The following CPLANE1 variants were observed in gnomAD, a reference collection of about 807,000 sequenced individuals.
CPLANE1 encodes ciliogenesis and planar polarity effector complex subunit 1.
A neutral mutation model predicts 362.5 loss-of-function variants in CPLANE1; 263 were observed. The ratio of observed to expected loss-of-function variants is 0.73; its 90% CI spans 0.66 to 0.80. The LOEUF (loss-of-function observed/expected upper bound fraction) is 0.80. Among genes scored for constraint, CPLANE1 ranks in the 30% least tolerant of loss-of-function variants. The pLI, the probability that CPLANE1 is intolerant of heterozygous loss-of-function variation, is 0.00. For missense variants in CPLANE1, 3,461 were observed against 3,793.4 expected (o/e 0.91, Z 2.30); for synonymous variants, 1,212 against 1,302.6 (o/e 0.93, Z 1.50).
intron 4 of CPLANE1, among the ~76,000 whole-genome samples, 174 bp downstream of exon 4, chr5:37,245,304 TA>T (rs1739222385): frequency 3.6e-4 from 1 of 2,774 alleles, no homozygotes; most frequent in African/African-American, 3.6e-3. Flanking sequence ...AAACTATATA[TA>T]TATATATATA....
chr5:37,211,996 A>G, intron 16 of CPLANE1: 2 of 970,492 alleles, frequency 2.1e-6, no homozygotes, highest in Non-Finnish European at 3.4e-6. Context: ...GAAGAACAAA[A>G]GGAAGAAGAA....
chr5:37,076,995 G>A, the CPLANE1 span, among the ~76,000 whole-genome samples: 45 of 151,704 alleles, frequency 3.0e-4, no homozygotes, highest in African/African-American at 9.7e-4. Context: ...TTTGCAGGCC[G>A]TAAGGTCTAT....
intron 51 of CPLANE1, among the ~76,000 whole-genome samples, chr5:37,108,693 A>C (rs193285745): frequency 6.6e-6 from 1 of 152,236 alleles, no homozygotes; most frequent in East Asian, 1.9e-4. Flanking sequence ...GAAAACTATT[A>C]GTAATTAATC....
chr5:37,232,544 T>C (rs1436922032), intron 8 of CPLANE1, among the ~76,000 whole-genome samples: 1 of 143,948 alleles, frequency 6.9e-6, no homozygotes, highest in South Asian at 2.2e-4. Flanking sequence ...AAAAAAAGAC[T>C]AGGCTCTCTC....
At position 37,201,600 on chromosome 5, in the gene CPLANE1, A is replaced by T. The variant is rs1248899188; in HGVS notation, c.3498T>A (p.Ile1166=). ...APPLYCPQPA[I]LSEEDGDDLL... is the part of the protein sequence containing the mutation. The stretch of plus-strand genomic sequence containing the variant: ...AATGCTATAAGCTTACTTCACTAAG[A>T]ATAGCTGGCTGGGGACAGTACAATG... The change falls in exon 19 of 53, where the codon ATT becomes ATA. Residue 1166 remains isoleucine (I), a synonymous_variant. Coordinates refer to ENST00000651892, the MANE Select transcript of CPLANE1 (RefSeq NM_001384732.1). 6.2e-7 allele frequency: 1 copy of T among 1,613,112 alleles called. No homozygotes were observed. The highest frequency in any genetic ancestry group is 8.5e-7 in the Non-Finnish European group (1 of 1,179,154).
chr5:37,150,895 C>A (rs1309905971), intron 42 of CPLANE1, among the ~76,000 whole-genome samples: 1 of 152,118 alleles, frequency 6.6e-6, no homozygotes, highest in Non-Finnish European at 1.5e-5. Flanking sequence ...TAACAAGTTT[C>A]CTATATGATT....
chr5:37,224,784 A>AAACTC, intron 12 of CPLANE1, 44 bp from the exon 13 acceptor site: 1 of 1,394,302 alleles, frequency 7.2e-7, no homozygotes, highest in Non-Finnish European at 9.9e-7. Flanking sequence ...ATTTCAGGCT[A>AAACTC]ATGATGAGTT....
rs909002375 is a variant in CPLANE1, at chr5:37,107,389, T to G, written c.*213A>C. On this transcript the variant is annotated 3_prime_UTR_variant, in exon 53 of 53. Transcript: ENST00000651892. ...ATGCATCAAATACAAAAACATATAA[T>G]ACATCAATAGTCAACCCTTTCCCCA... is the stretch of plus-strand genomic sequence containing the variant. 3.2e-6 allele frequency: 4 copies of G among 1,250,742 alleles called. 1 individual carries two copies. Among genetic ancestry groups the G allele is most frequent in the Middle Eastern group, 6.2e-4 (2 of 3,234 alleles). 77.5% of individuals were successfully genotyped at this position (1,250,742 alleles called of 1,614,324 possible).
Position 37,183,695 on chromosome 5 carries a change from C to T in CPLANE1, c.4486G>A (p.Ala1496Thr). The T allele has an allele frequency of 1.3e-6, 2 of 1,557,340 alleles. No individual in the cohort carries two copies. Among genetic ancestry groups the T allele is most frequent in the Non-Finnish European group, 1.7e-6 (2 of 1,157,120 alleles). ...KSRINIYQRN[A>T]PNHMELTSIH... ...GATGTTAATTCCATGTGATTTGGGG[C>T]ATTTCTATAGCAAAAAAATAAAATA... is the stretch of plus-strand genomic sequence containing the variant. Residue 1496 changes from alanine to threonine, a missense_variant, in exon 26 of 53, where the codon GCC (alanine) becomes ACC (threonine). Coordinates refer to ENST00000651892, the MANE Select transcript of CPLANE1 (RefSeq NM_001384732.1).
At chr5:37,142,678 T>C in intron 43 of CPLANE1, 198 bp from the exon 44 acceptor site, 1 of 385,970 alleles carries the variant, frequency 2.6e-6, no homozygotes, top group Non-Finnish European at 4.6e-6. Flanking sequence ...ATAAACAAGA[T>C]TTATTAGACT....
At chr5:37,138,937 CA>C (rs1357254023) in intron 45 of CPLANE1, 89 bp from the exon 46 acceptor site, 1 of 1,156,758 alleles carries the variant, frequency 8.6e-7, no homozygotes, top group African/African-American at 1.6e-5. Context: ...CAAATGAACA[CA>C]AAATGATAAA....
intron 38 of CPLANE1, among the ~76,000 whole-genome samples, chr5:37,162,097 C>T (rs990052781): frequency 6.6e-6 from 1 of 152,172 alleles, no homozygotes; most frequent in African/African-American, 2.4e-5. Flanking sequence ...AATACCCCTC[C>T]CTCACCGAAC....
chr5:37,218,106 A>G, intron 15 of CPLANE1, among the ~76,000 whole-genome samples: 1 of 152,208 alleles, frequency 6.6e-6, no homozygotes, highest in East Asian at 1.9e-4. Context: ...ACTGCTTGAA[A>G]TGCTTGCTTG....
rs1792075266 is a variant in CPLANE1 at position 37,209,837 on chromosome 5, T to C, written c.2921-3412A>G. 2 of 1,344,380 alleles carry C rather than the reference T, an allele frequency of 1.5e-6. No individual in the cohort carries two copies. The highest frequency in any genetic ancestry group is 2.1e-6 in the Non-Finnish European group (2 of 936,562). The allele number at this position is 1,344,380 out of a possible 1,614,324, so 83.3% of individuals were successfully genotyped here. ...ATCATCAAGCTAAAGAAAGTTGTAATATGGAAACTCAGACAAGTTCGACAT... is the reference window on the plus strand; with the variant it reads ...ATCATCAAGCTAAAGAAAGTTGTAACATGGAAACTCAGACAAGTTCGACAT... On this transcript the variant is annotated intron_variant, in intron 16 of 52. Coordinates refer to ENST00000651892, the MANE Select transcript of CPLANE1 (RefSeq NM_001384732.1). The surrounding 1 kb of genome is among the most constrained non-coding windows in gnomAD (Gnocchi z 4.6).
At chr5:37,098,927 A>G in the CPLANE1 span, among the ~76,000 whole-genome samples, 1 of 149,144 alleles carries the variant, frequency 6.7e-6, no homozygotes, top group African/African-American at 2.4e-5. Flanking sequence ...CTACATCAAA[A>G]AAAAAAAAAA....
In CPLANE1 at chr5:37,228,506, A is replaced by G. The variant is rs879331151; in HGVS notation, c.1122-689T>C. ...TAATTATAGGACATACACCCCACAG[A>G]CTTCTGTAGAACCATTAAAAATAAT... On this transcript the variant is annotated intron_variant, in intron 9 of 52. Coordinates refer to ENST00000651892, the MANE Select transcript of CPLANE1 (RefSeq NM_001384732.1). Among the ~76,000 whole-genome samples, 10 of 152,172 alleles carry G rather than the reference A, an allele frequency of 6.6e-5. 1 individual carries two copies. Among genetic ancestry groups the G allele is most frequent in the Admixed American group, 6.5e-4 (10 of 15,270 alleles).
Position 37,226,773 on chromosome 5 carries a change from T to C in CPLANE1, c.1822A>G (p.Ile608Val), listed in dbSNP as rs752434954. 6.5e-7 allele frequency: 1 copy of C among 1,541,252 alleles called. No individual in the cohort carries two copies. The highest frequency in any genetic ancestry group is 1.2e-5 in the South Asian group (1 of 81,686). Residue 608 changes from isoleucine to valine, a missense_variant, in exon 12 of 53, where the codon ATT becomes GTT. Ile to Val is a conservative substitution (Grantham distance 29). Transcript: ENST00000651892. ...AAAGGACATTTTATAAATTGAAGAA[T>C]GTAAAAAAAATGAGTGATACAAACT... ...IVVCITHFFY[I>V]LQFIKCPFPK...
rs756883683 is a variant in CPLANE1, at chr5:37,180,202, C to A, written c.5571-19G>T. 5.0e-6 allele frequency: 7 copies of A among 1,413,414 alleles called. No homozygotes were observed. Among genetic ancestry groups the A allele is most frequent in the South Asian group, 4.9e-5 (3 of 60,712 alleles). 87.6% of individuals were successfully genotyped at this position (1,413,414 alleles called of 1,614,324 possible). On this transcript the variant is annotated intron_variant, in intron 27 of 52. Coordinates refer to ENST00000651892, the MANE Select transcript of CPLANE1 (RefSeq NM_001384732.1). Reference sequence around the variant, plus strand: ...CATTCTACTGAAAAAAATGCAGCAACTAAAATTACAACTATTCTTGGAGAT... The same window carrying A: ...CATTCTACTGAAAAAAATGCAGCAAATAAAATTACAACTATTCTTGGAGAT...
At chr5:37,223,464 A>C (rs534337580) in intron 14 of CPLANE1, among the ~76,000 whole-genome samples, 76 of 152,392 alleles carry the variant, frequency 5.0e-4, no homozygotes, top group African/African-American at 1.7e-3. Context: ...GCAGGCACTC[A>C]ACAAAGACTG....
Sources: allele counts gnomAD v4.1 joint callset (sites outside exome capture counted in the v4.1 genomes callset), GRCh38; gene constraint gnomAD v4.1.1; non-coding constraint Gnocchi (gnomAD v3.1); transcripts MANE v1.5; gene names NCBI Gene and HGNC (gene_info 2026-07-23, HGNC 2026-07-21).